The following PPP1R1C variants were observed in gnomAD, a reference collection of about 807,000 sequenced individuals.
PPP1R1C encodes the protein protein phosphatase 1 regulatory inhibitor subunit 1C.
Under a neutral mutation model 17.4 loss-of-function variants are expected in PPP1R1C, and 15 were observed. The observed-to-expected ratio is 0.86, with a 90% CI of 0.58 to 1.33. PPP1R1C has a LOEUF of 1.33. Ranked by LOEUF, PPP1R1C falls within the 40% of genes most tolerant of loss-of-function variation. The pLI is 0.00. For synonymous variants in PPP1R1C, 35 were observed against 43.1 expected (o/e 0.81, Z 0.73); for missense variants, 143 against 130.0 (o/e 1.10, Z -0.48).
chr2:181,982,865 T>G (rs1685218436), upstream of PPP1R1C, among the ~76,000 whole-genome samples: 2 of 152,186 alleles, frequency 1.3e-5, no homozygotes, highest in Admixed American at 6.5e-5. Flanking sequence ...TATCACTTAC[T>G]TTGAAGAGAG....
At chr2:182,097,181 T>C (rs1409834398) in intron 4 of PPP1R1C, among the ~76,000 whole-genome samples, 1 of 152,226 alleles carries the variant, frequency 6.6e-6, no homozygotes, top group African/African-American at 2.4e-5. Flanking sequence ...TGGTCTTGAT[T>C]GGAGTTACAA....
At chr2:182,108,524 A>C (rs1034654177) in intron 4 of PPP1R1C, among the ~76,000 whole-genome samples, 1 of 152,214 alleles carries the variant, frequency 6.6e-6, no homozygotes, top group Admixed American at 6.5e-5. Context: ...CTTCCACATT[A>C]ATACCTGAGC....
chr2:182,089,555 T>G (rs1688723701), intron 4 of PPP1R1C, among the ~76,000 whole-genome samples: 1 of 152,226 alleles, frequency 6.6e-6, no homozygotes, highest in Admixed American at 6.5e-5. Flanking sequence ...TTATGGATTG[T>G]GTATTTTGTC....
chr2:182,067,780 G>A (rs911892729), intron 4 of PPP1R1C, among the ~76,000 whole-genome samples: 5 of 152,114 alleles, frequency 3.3e-5, no homozygotes, highest in African/African-American at 7.2e-5. Flanking sequence ...ATATGCATCC[G>A]CAGTGGGAAG....
chr2:182,066,619 T>C (rs1368526369), intron 4 of PPP1R1C, among the ~76,000 whole-genome samples: 2 of 152,154 alleles, frequency 1.3e-5, no homozygotes, highest in African/African-American at 2.4e-5. Context: ...TTCAGATGCC[T>C]TGTGCTAACC....
chr2:182,061,332 G>C (rs999194543), intron 2 of PPP1R1C, 110 bp from the exon 3 acceptor site: 1 of 789,610 alleles, frequency 1.3e-6, no homozygotes, highest in Non-Finnish European at 1.9e-6. Context: ...TGTAGTTTTT[G>C]TATAAGGCAA....
At chr2:181,977,906 C>G (rs1388980865) in intron 2 of PPP1R1C, among the ~76,000 whole-genome samples, 7 of 152,164 alleles carry the variant, frequency 4.6e-5, no homozygotes, top group Non-Finnish European at 1.0e-4. Context: ...TCCACTGGGG[C>G]TGTTGACAGG....
intron 1 of PPP1R1C, among the ~76,000 whole-genome samples, chr2:181,970,979 C>T (rs1249518131): frequency 2.0e-5 from 3 of 152,084 alleles, no homozygotes; most frequent in African/African-American, 7.2e-5. Flanking sequence ...GTGGGCTCCC[C>T]TCTATTTCAG....
At chr2:182,073,187 C>T (rs1688189883) in intron 4 of PPP1R1C, among the ~76,000 whole-genome samples, 1 of 152,230 alleles carries the variant, frequency 6.6e-6, no homozygotes, top group African/African-American at 2.4e-5. Context: ...TTCTTTGAGA[C>T]TGAGAATGCA....
At chr2:181,996,219 C>T (rs564300291) in intron 2 of PPP1R1C, among the ~76,000 whole-genome samples, 3 of 152,278 alleles carry the variant, frequency 2.0e-5, no homozygotes, top group African/African-American at 4.8e-5. Flanking sequence ...AGATATAACA[C>T]GTTGTCCTTG....
At chr2:182,026,710 T>C (rs1222679270) in intron 2 of PPP1R1C, among the ~76,000 whole-genome samples, 1 of 152,140 alleles carries the variant, frequency 6.6e-6, no homozygotes, top group African/African-American at 2.4e-5. Context: ...TTTGGCTCCA[T>C]ATGAACTTTA....
chr2:181,958,367 G>C (rs774020119), intron 1 of PPP1R1C, among the ~76,000 whole-genome samples: 4 of 152,206 alleles, frequency 2.6e-5, no homozygotes, highest in Non-Finnish European at 2.9e-5. Flanking sequence ...GGCCAAAAAG[G>C]CTGCAGTAAA....
intron 2 of PPP1R1C, among the ~76,000 whole-genome samples, chr2:182,044,132 T>C (rs1237183788): frequency 6.6e-6 from 1 of 152,176 alleles, no homozygotes; most frequent in East Asian, 1.9e-4. Flanking sequence ...CCTGAATAAC[T>C]GCAATGTCTT....
At chr2:182,081,213 C>T (rs1356307728) in intron 4 of PPP1R1C, among the ~76,000 whole-genome samples, 4 of 152,170 alleles carry the variant, frequency 2.6e-5, no homozygotes, top group African/African-American at 9.7e-5. Context: ...AAGTAGTATA[C>T]TCTTTCTGAG....
At chr2:182,030,410 T>G (rs1004747123) in intron 2 of PPP1R1C, among the ~76,000 whole-genome samples, 11 of 151,560 alleles carry the variant, frequency 7.3e-5, no homozygotes, top group African/African-American at 1.9e-4. Context: ...GTCCTTTCTG[T>G]TTGTTAGTTT....
downstream of PPP1R1C, chr2:182,130,391 G>A (rs1172518106): frequency 6.6e-6 from 1 of 152,094 alleles, no homozygotes; most frequent in African/African-American, 2.4e-5. Context: ...ACTTAATGAG[G>A]AGCCAAAGAC....
intron 1 of PPP1R1C, among the ~76,000 whole-genome samples, chr2:181,987,263 GA>G (rs536883519): frequency 0.02 from 2,799 of 142,380 alleles, 95 homozygotes; most frequent in African/African-American, 0.066. Context: ...CTCTTAAAAT[GA>G]AAAAAAAAAA....
intron 2 of PPP1R1C, among the ~76,000 whole-genome samples, chr2:181,997,301 C>A (rs1448650348): frequency 6.6e-6 from 1 of 151,530 alleles, no homozygotes; most frequent in Non-Finnish European, 1.5e-5. Context: ...ACACATGATG[C>A]ACACAGAGGT....
At chr2:182,054,959 C>A (rs990959280) in intron 2 of PPP1R1C, among the ~76,000 whole-genome samples, 2 of 152,138 alleles carry the variant, frequency 1.3e-5, no homozygotes, top group Admixed American at 6.5e-5. Context: ...CCACACCTGG[C>A]CCAGTGTGTT....
Sources: allele counts gnomAD v4.1 joint callset (sites outside exome capture counted in the v4.1 genomes callset), GRCh38; gene constraint gnomAD v4.1.1; transcripts MANE v1.5; gene names NCBI Gene and HGNC (gene_info 2026-07-23, HGNC 2026-07-21).